ZNF385D: variants seen among roughly 807,000 people sequenced by gnomAD.
The protein encoded by ZNF385D is zinc finger protein 659.
A neutral mutation model predicts 35.8 loss-of-function variants in ZNF385D; 15 were observed. The observed-to-expected ratio is 0.42, with a 90% CI of 0.28 to 0.64. The LOEUF (loss-of-function observed/expected upper bound fraction) is 0.64. ZNF385D is among the 30% of genes least tolerant of loss of function. The pLI is 0.23. For synonymous variants in ZNF385D, 212 were observed against 186.8 expected (o/e 1.13, Z -1.10); for missense variants, 474 against 494.6 (o/e 0.96, Z 0.39).
intron 2 of ZNF385D, among the ~76,000 whole-genome samples, chr3:22,272,331 T>C (rs143740003): frequency 5.9e-5 from 9 of 152,012 alleles, no homozygotes; most frequent in Non-Finnish European, 1.5e-5. Flanking sequence ...ATTGGAGATA[T>C]ATCTCCAATA....
At chr3:21,741,661 A>G (rs2069522088) in intron 1 of ZNF385D, among the ~76,000 whole-genome samples, 1 of 152,006 alleles carries the variant, frequency 6.6e-6, no homozygotes, top group African/African-American at 2.4e-5. Context: ...AGGTCCATTC[A>G]GCCAAAGAAA....
chr3:22,361,273 A>T (rs967127561), intron 2 of ZNF385D, among the ~76,000 whole-genome samples: 4 of 152,104 alleles, frequency 2.6e-5, no homozygotes, highest in African/African-American at 9.7e-5. Context: ...CAGAGACTGG[A>T]AACTTTCAAA....
intron 6 of ZNF385D, among the ~76,000 whole-genome samples, chr3:21,425,097 A>G (rs1700955566): frequency 1.3e-5 from 2 of 152,196 alleles, no homozygotes; most frequent in Non-Finnish European, 2.9e-5. Flanking sequence ...TACTTGTAGC[A>G]CGTAAATATC....
At chr3:21,964,036 A>C (rs764878375) in intron 3 of ZNF385D, among the ~76,000 whole-genome samples, 8 of 152,152 alleles carry the variant, frequency 5.3e-5, no homozygotes, top group Non-Finnish European at 1.2e-4. Flanking sequence ...TTGCGGGCAA[A>C]GTATTCTGCA....
intron 3 of ZNF385D, among the ~76,000 whole-genome samples, chr3:21,996,880 C>A (rs890171588): frequency 6.6e-6 from 1 of 152,018 alleles, no homozygotes; most frequent in Admixed American, 6.6e-5. Flanking sequence ...CTTCTCTGCC[C>A]GAGTGATTAA....
chr3:21,918,490 G>A (rs1184142021), intron 3 of ZNF385D, among the ~76,000 whole-genome samples: 2 of 151,862 alleles, frequency 1.3e-5, no homozygotes, highest in Admixed American at 1.3e-4. Context: ...ATAATTTTTG[G>A]GTGGTTCACC....
intron 2 of ZNF385D, among the ~76,000 whole-genome samples, chr3:22,213,874 T>C (rs1559456512): frequency 6.6e-6 from 1 of 152,066 alleles, no homozygotes; most frequent in Non-Finnish European, 1.5e-5. Flanking sequence ...GTGTATTCTC[T>C]CCTTCTTAAG....
At chr3:22,127,242 C>A (rs573298270) in intron 3 of ZNF385D, among the ~76,000 whole-genome samples, 28 of 148,304 alleles carry the variant, frequency 1.9e-4, no homozygotes, top group African/African-American at 5.9e-4. Context: ...TTGTGGTTTT[C>A]ACTTTCTTCC....
chr3:22,352,073 G>A (rs898327715), intron 2 of ZNF385D, among the ~76,000 whole-genome samples: 3 of 152,186 alleles, frequency 2.0e-5, no homozygotes, highest in African/African-American at 7.2e-5. Flanking sequence ...TGGCAAGGAA[G>A]AAATGATTCT....
chr3:22,131,679 A>G (rs1703801975), intron 3 of ZNF385D, among the ~76,000 whole-genome samples: 1 of 152,182 alleles, frequency 6.6e-6, no homozygotes, highest in Admixed American at 6.6e-5. Flanking sequence ...GAGTGATGGC[A>G]GAGCATATGA....
intron 3 of ZNF385D, among the ~76,000 whole-genome samples, chr3:21,777,179 A>G (rs1212851139): frequency 6.6e-6 from 1 of 151,962 alleles, no homozygotes; most frequent in Admixed American, 6.6e-5. Context: ...TCTGTATGCA[A>G]TTGCAAAGTT....
chr3:22,331,189 A>G (rs971399901), intron 2 of ZNF385D, among the ~76,000 whole-genome samples: 2 of 152,192 alleles, frequency 1.3e-5, no homozygotes, highest in East Asian at 3.8e-4. Context: ...TCTAAACATC[A>G]GTAATGCAGG....
At chr3:21,484,297 A>G (rs340097) in intron 4 of ZNF385D, among the ~76,000 whole-genome samples, 122,947 of 152,096 alleles carry the variant, frequency 0.81, 49,981 homozygotes, top group African/African-American at 0.89. Context: ...AGTGGTTCAT[A>G]GGAAAATGTC....
At chr3:22,128,685 T>A (rs549843496) in intron 3 of ZNF385D, among the ~76,000 whole-genome samples, 4 of 152,186 alleles carry the variant, frequency 2.6e-5, no homozygotes, top group African/African-American at 7.2e-5. Context: ...AATTTGTCAA[T>A]TGAATTTTTA....
At chr3:22,179,124 G>A (rs998058594) in intron 2 of ZNF385D, among the ~76,000 whole-genome samples, 11 of 152,164 alleles carry the variant, frequency 7.2e-5, no homozygotes, top group South Asian at 6.2e-4. Flanking sequence ...CTGTGAAGAA[G>A]GTCATTGGTA....
chr3:21,721,294 G>A (rs889670344), intron 1 of ZNF385D, among the ~76,000 whole-genome samples: 1 of 151,868 alleles, frequency 6.6e-6, no homozygotes, highest in African/African-American at 2.4e-5. Context: ...CTGAAGCAGA[G>A]TGGGTGAGAT....
intron 2 of ZNF385D, among the ~76,000 whole-genome samples, chr3:21,614,025 G>C (rs1161766446): frequency 6.6e-6 from 1 of 152,126 alleles, no homozygotes; most frequent in Non-Finnish European, 1.5e-5. Flanking sequence ...GGTCCCCCAA[G>C]GACCCTAGAT....
At chr3:21,916,663 C>T (rs1700205817) in intron 3 of ZNF385D, among the ~76,000 whole-genome samples, 1 of 152,152 alleles carries the variant, frequency 6.6e-6, no homozygotes, top group African/African-American at 2.4e-5. Flanking sequence ...TTCAAGTAAA[C>T]ATTCTCTACA....
At chr3:21,656,687 T>C (rs967615523) in intron 2 of ZNF385D, among the ~76,000 whole-genome samples, 12 of 151,922 alleles carry the variant, frequency 7.9e-5, no homozygotes, top group African/African-American at 2.9e-4. Flanking sequence ...ATTTAGGATC[T>C]CCATGAGAAG....
Sources: allele counts gnomAD v4.1 joint callset (sites outside exome capture counted in the v4.1 genomes callset), GRCh38; gene constraint gnomAD v4.1.1; transcripts MANE v1.5; gene names NCBI Gene and HGNC (gene_info 2026-07-23, HGNC 2026-07-21).